The following JAZF1 variants were observed in gnomAD, a reference collection of about 807,000 sequenced individuals.
JAZF1 encodes the protein JAZF zinc finger 1, also known as juxtaposed with another zinc finger protein 1.
A neutral mutation model predicts 26.4 loss-of-function variants in JAZF1; 8 were observed. That is an observed-to-expected ratio of 0.30 (90% CI 0.18 to 0.55). JAZF1 has a LOEUF of 0.55. JAZF1 is among the 20% of genes least tolerant of loss of function. JAZF1 has a pLI of 0.94. For missense variants in JAZF1, 199 were observed against 322.0 expected, an observed-to-expected ratio of 0.62 and a Z score of 2.92; for synonymous variants, 126 against 122.3, an observed-to-expected ratio of 1.03 and a Z score of -0.20.
chr7:28,002,627 C>T (rs766188), intron 1 of JAZF1, among the ~76,000 whole-genome samples: 151,232 of 152,318 alleles, frequency 0.99, 75,078 homozygotes, highest in Middle Eastern at 1. Flanking sequence ...GAAACTAAAA[C>T]TTGCATTGTT....
intron 3 of JAZF1, among the ~76,000 whole-genome samples, chr7:27,859,683 C>T (rs1481547755): frequency 6.6e-6 from 1 of 150,438 alleles, no homozygotes; most frequent in Non-Finnish European, 1.5e-5. Flanking sequence ...AACACATGGA[C>T]ACAGGGAGGG....
At chr7:28,000,081 T>C (rs976345591) in intron 1 of JAZF1, among the ~76,000 whole-genome samples, 2 of 152,112 alleles carry the variant, frequency 1.3e-5, no homozygotes, top group African/African-American at 2.4e-5. Flanking sequence ...AAGAACAGCA[T>C]AGGGGAGAGG....
intron 3 of JAZF1, 100 bp downstream of exon 3, chr7:27,895,120 C>T (rs1055451873): frequency 1.3e-5 from 8 of 624,064 alleles, no homozygotes; most frequent in Admixed American, 1.2e-4. Flanking sequence ...GGGTCTGTGT[C>T]GTCATCTGTC....
Position 28,180,467 on chromosome 7 carries a change from G to A in JAZF1, c.111C>T (p.His37=), listed in dbSNP as rs199528037. Residue 37 remains histidine, a synonymous_variant, in exon 1 of 5, where the codon CAC becomes CAT. Transcript: ENST00000283928. The stretch of plus-strand genomic sequence containing the variant: ...GCCCACCCCCGGGCCATTTACCGAT[G>A]TGGTTGTCCTCGATGTGCTCGATGA... ...ADLIEHIEDN[H]IDTDPRVLEK... is the part of the protein sequence containing the mutation. 2.3e-5 allele frequency: 37 copies of A among 1,610,600 alleles called. No individual in the cohort carries two copies. In the African/African-American group the frequency reaches 4.6e-4, roughly 20 times the overall value.
At chr7:27,998,659 G>A (rs2128367038) in intron 1 of JAZF1, among the ~76,000 whole-genome samples, 1 of 152,320 alleles carries the variant, frequency 6.6e-6, no homozygotes, top group Middle Eastern at 3.4e-3. Context: ...AAGTGTTGCT[G>A]TAAACTTTAT....
At chr7:28,161,251 T>C (rs1230146027) in intron 1 of JAZF1, among the ~76,000 whole-genome samples, 2 of 108,592 alleles carry the variant, frequency 1.8e-5, no homozygotes, top group East Asian at 4.6e-4. Flanking sequence ...GAAAAATCCT[T>C]TAATCTAAAA....
At chr7:27,954,218 T>C in intron 2 of JAZF1, among the ~76,000 whole-genome samples, 1 of 152,226 alleles carries the variant, frequency 6.6e-6, no homozygotes, top group Non-Finnish European at 1.5e-5. Context: ...CTTTGGTTAG[T>C]GAGGTCCATG....
chr7:28,076,050 G>A (rs1222158715), intron 1 of JAZF1, among the ~76,000 whole-genome samples: 1 of 152,208 alleles, frequency 6.6e-6, no homozygotes, highest in African/African-American at 2.4e-5. Context: ...GCATGTTTAG[G>A]ATTCTAGACT....
intron 1 of JAZF1, among the ~76,000 whole-genome samples, chr7:28,030,519 ATAAG>A (rs1350025960): frequency 6.6e-6 from 1 of 152,200 alleles, no homozygotes; most frequent in East Asian, 1.9e-4. Flanking sequence ...ATAACTCTGC[ATAAG>A]TAAGGGCTGT....
intron 1 of JAZF1, among the ~76,000 whole-genome samples, chr7:28,093,630 C>G (rs1189034606): frequency 1.3e-5 from 2 of 152,146 alleles, no homozygotes; most frequent in Non-Finnish European, 2.9e-5. Context: ...GGTATATGAC[C>G]ATTTCACATT....
chr7:27,894,336 G>GTT (rs1215784823), intron 3 of JAZF1, among the ~76,000 whole-genome samples: 2 of 152,220 alleles, frequency 1.3e-5, no homozygotes, highest in African/African-American at 4.8e-5. Context: ...CCCAGCTGAA[G>GTT]TTCTAGTTTC....
At chr7:27,865,202 T>C (rs1040427934) in intron 3 of JAZF1, among the ~76,000 whole-genome samples, 76 of 152,048 alleles carry the variant, frequency 5.0e-4, no homozygotes, top group African/African-American at 1.8e-3. Flanking sequence ...AAATCCTGTC[T>C]CCACAAAAAA....
chr7:28,159,579 A>C (rs1783246482), intron 1 of JAZF1, among the ~76,000 whole-genome samples: 1 of 152,040 alleles, frequency 6.6e-6, no homozygotes, highest in South Asian at 2.1e-4. Context: ...TTGTCAGCAC[A>C]GTGGCTTGAC....
At chr7:27,873,329 CTTT>C (rs2128338289) in intron 3 of JAZF1, among the ~76,000 whole-genome samples, 1 of 152,340 alleles carries the variant, frequency 6.6e-6, no homozygotes, top group African/African-American at 2.4e-5. Flanking sequence ...TATCGCTCTT[CTTT>C]GATTGCATTA....
At chr7:28,165,078 A>G (rs1318507064) in intron 1 of JAZF1, among the ~76,000 whole-genome samples, 1 of 152,072 alleles carries the variant, frequency 6.6e-6, no homozygotes, top group Admixed American at 6.6e-5. Context: ...CTGAGGTGGG[A>G]GGATTGCTTG....
chr7:28,035,236 C>T (rs530804881), intron 1 of JAZF1, among the ~76,000 whole-genome samples: 2 of 141,680 alleles, frequency 1.4e-5, no homozygotes, highest in East Asian at 2.1e-4. Flanking sequence ...ATTGCTTGAA[C>T]CCAGGAGGTG....
chr7:27,934,920 CAGAAT>C (rs752022976), intron 2 of JAZF1, among the ~76,000 whole-genome samples: 1 of 152,144 alleles, frequency 6.6e-6, no homozygotes, highest in South Asian at 2.1e-4. Context: ...AGACAACCCA[CAGAAT>C]AGGAGAACAT....
At chr7:28,074,863 T>A (rs1439147707) in intron 1 of JAZF1, among the ~76,000 whole-genome samples, 1 of 152,146 alleles carries the variant, frequency 6.6e-6, no homozygotes, top group Non-Finnish European at 1.5e-5. Flanking sequence ...GTGAATCCCA[T>A]GAGCACAGAA....
chr7:28,158,189 A>AGAGT (rs1240927224), intron 1 of JAZF1, among the ~76,000 whole-genome samples: 1 of 150,934 alleles, frequency 6.6e-6, no homozygotes, highest in East Asian at 1.9e-4. Context: ...ACACACACAG[A>AGAGT]GAGAGAGAGA....
Sources: gnomAD v4.1 joint callset for allele counts (sites outside exome capture counted in the v4.1 genomes callset) on GRCh38, gnomAD v4.1.1 for gene constraint, MANE v1.5 for transcripts, NCBI Gene and HGNC (gene_info 2026-07-23, HGNC 2026-07-21) for gene names.